Variants in WASF1 observed in about 807,000 individuals in gnomAD.
The protein encoded by WASF1 is actin-binding protein WASF1.
WASF1 carries 7 observed loss-of-function variants against 50.5 expected under a neutral mutation model. That is an observed-to-expected ratio of 0.14 (90% CI 0.08 to 0.26). The LOEUF is 0.26. Among genes scored for constraint, WASF1 ranks in the 10% least tolerant of loss-of-function variants. The pLI is 1.00. For missense variants in WASF1, 470 were observed against 694.7 expected (o/e 0.68, Z 3.64); for synonymous variants, 205 against 244.0 (o/e 0.84, Z 1.49).
intron 5 of WASF1, among the ~76,000 whole-genome samples, chr6:110,111,522 T>A (rs539434276): frequency 5.3e-4 from 80 of 152,298 alleles, no homozygotes; most frequent in African/African-American, 1.9e-3. Context: ...AAATAGACAT[T>A]TCTCCAAAGG....
At chr6:110,173,683 T>G (rs1028402462) in intron 2 of WASF1, among the ~76,000 whole-genome samples, 1 of 152,142 alleles carries the variant, frequency 6.6e-6, no homozygotes, top group Non-Finnish European at 1.5e-5. Flanking sequence ...TCAAATACAG[T>G]CAGGACTCTG....
intron 3 of WASF1, among the ~76,000 whole-genome samples, chr6:110,139,544 T>C (rs1775127593): frequency 1.3e-5 from 2 of 152,342 alleles, no homozygotes; most frequent in African/African-American, 4.8e-5. Context: ...TCCCAGCTTT[T>C]TGCTTGAATA....
intron 3 of WASF1, among the ~76,000 whole-genome samples, chr6:110,154,983 TA>T (rs1775996409): frequency 6.6e-6 from 1 of 152,122 alleles, no homozygotes; most frequent in African/African-American, 2.4e-5. Flanking sequence ...ATGCTAAAAA[TA>T]TAAATGGGAC....
intron 3 of WASF1, among the ~76,000 whole-genome samples, chr6:110,159,091 T>G (rs766657784): frequency 6.6e-6 from 1 of 151,962 alleles, no homozygotes; most frequent in Non-Finnish European, 1.5e-5. Flanking sequence ...ATATCTTACA[T>G]TTCTCCGTAT....
intron 3 of WASF1, among the ~76,000 whole-genome samples, chr6:110,151,380 C>G (rs1405071647): frequency 1.3e-5 from 2 of 152,050 alleles, no homozygotes; most frequent in African/African-American, 4.8e-5. Context: ...TCTTTGGCCA[C>G]AAATAACTAT....
chr6:110,155,256 A>G (rs1310363704), intron 3 of WASF1, among the ~76,000 whole-genome samples: 1 of 152,080 alleles, frequency 6.6e-6, no homozygotes, highest in African/African-American at 2.4e-5. Flanking sequence ...TACCATCATA[A>G]TGTACACCTA....
intron 3 of WASF1, among the ~76,000 whole-genome samples, chr6:110,136,919 T>A (rs1003423406): frequency 2.6e-5 from 4 of 152,186 alleles, no homozygotes; most frequent in African/African-American, 9.7e-5. Flanking sequence ...GTGGTCCTCC[T>A]GTTAAAATTT....
Position 110,101,762 on chromosome 6 carries a change from G to A in WASF1, c.1348C>T (p.His450Tyr). The A allele has an allele frequency of 6.2e-7, 1 of 1,614,142 alleles. No individual in the cohort carries two copies. The highest frequency in any genetic ancestry group is 8.5e-7 in the Non-Finnish European group (1 of 1,180,014). Residue 450 changes from histidine (H) to tyrosine (Y), a missense_variant, in exon 10 of 11, where the codon CAT becomes TAT. By Grantham distance (83) the His-to-Tyr change is moderately conservative. Around this residue, in one of 3 missense-constraint regions of WASF1, gnomAD observed 294 missense variants for 343.5 expected, o/e 0.86. Transcript: ENST00000392589. ...GTTGGATGTAGCCCAGAGGGAGGAT[G>A]AGCAAGAGCTGTAACTGTGACAGGT... Reference protein sequence around the residue: ...SSPVTVTALAHPPSGLHPTPS... With the variant: ...SSPVTVTALAYPPSGLHPTPS...
intron 4 of WASF1, among the ~76,000 whole-genome samples, chr6:110,124,221 TCTCTCCTCTCTCTC>T (rs1774276387): frequency 5.6e-5 from 4 of 71,016 alleles, no homozygotes; most frequent in Admixed American, 1.4e-4. Context: ...CTCTCTCCTC[TCTCTCCTCTCTCTC>T]CTCTCTCTCT....
At chr6:110,106,146 C>G (rs1243111827) in intron 7 of WASF1, among the ~76,000 whole-genome samples, 1 of 152,118 alleles carries the variant, frequency 6.6e-6, no homozygotes, top group Non-Finnish European at 1.5e-5. Context: ...GTAAGTGTAA[C>G]AAATTCAAAC....
chr6:110,124,797 C>T (rs765910597), intron 4 of WASF1, among the ~76,000 whole-genome samples: 1 of 152,124 alleles, frequency 6.6e-6, no homozygotes, highest in Non-Finnish European at 1.5e-5. Context: ...GTAATCCCAG[C>T]GGCTTTGGTG....
chr6:110,105,004 T>A (rs1773257012), intron 8 of WASF1, among the ~76,000 whole-genome samples: 1 of 152,038 alleles, frequency 6.6e-6, no homozygotes, highest in Non-Finnish European at 1.5e-5. Context: ...CAGGGGAAAG[T>A]AAAAGGAACA....
chr6:110,137,975 CAG>C (rs1234013630), intron 3 of WASF1, among the ~76,000 whole-genome samples: 1 of 152,226 alleles, frequency 6.6e-6, no homozygotes, highest in African/African-American at 2.4e-5. Flanking sequence ...GCACCTGTGC[CAG>C]AGTTTTGCTC....
intron 4 of WASF1, among the ~76,000 whole-genome samples, chr6:110,125,122 T>A (rs1033821271): frequency 2.0e-5 from 3 of 152,212 alleles, no homozygotes; most frequent in Non-Finnish European, 4.4e-5. Context: ...ATCTAATACA[T>A]CAATTGTTAT....
At chr6:110,124,231 CT>C (rs1408621715) in intron 4 of WASF1, among the ~76,000 whole-genome samples, 31 of 56,016 alleles carry the variant, frequency 5.5e-4, no homozygotes, top group African/African-American at 3.1e-3. Flanking sequence ...TCTCTCCTCT[CT>C]CTCCTCTCTC....
At chr6:110,133,728 A>ATT (rs138543351) in intron 3 of WASF1, among the ~76,000 whole-genome samples, 1 of 150,064 alleles carries the variant, frequency 6.7e-6, no homozygotes. Flanking sequence ...TTCTGATGGG[A>ATT]TTTTTTTTTC....
At chr6:110,118,854 C>G (rs540977727) in intron 4 of WASF1, among the ~76,000 whole-genome samples, 1 of 152,286 alleles carries the variant, frequency 6.6e-6, no homozygotes, top group East Asian at 1.9e-4. Flanking sequence ...CCTCAGATCA[C>G]AGTGCAATTG....
At chr6:110,152,722 T>A (rs923857410) in intron 3 of WASF1, among the ~76,000 whole-genome samples, 1 of 152,208 alleles carries the variant, frequency 6.6e-6, no homozygotes, top group Non-Finnish European at 1.5e-5. Context: ...TATAGGACTA[T>A]AAGATAATTA....
chr6:110,127,965 T>C (rs1244358493), intron 3 of WASF1, among the ~76,000 whole-genome samples: 1 of 152,228 alleles, frequency 6.6e-6, no homozygotes, highest in Admixed American at 6.5e-5. Flanking sequence ...ATATAATACA[T>C]ATAACTTACA....
Sources: allele counts gnomAD v4.1 joint callset (sites outside exome capture counted in the v4.1 genomes callset), GRCh38; gene constraint gnomAD v4.1.1; regional missense constraint gnomAD v4.1.1; transcripts MANE v1.5; gene names NCBI Gene and HGNC (gene_info 2026-07-23, HGNC 2026-07-21).